PTPRN2: variants seen among roughly 807,000 people sequenced by gnomAD.
PTPRN2 encodes the protein protein tyrosine phosphatase receptor type N2, also known as receptor-type tyrosine-protein phosphatase N2.
PTPRN2 carries 74 observed loss-of-function variants against 118.8 expected under a neutral mutation model. The observed-to-expected ratio is 0.62, with a 90% CI of 0.52 to 0.76. The LOEUF (loss-of-function observed/expected upper bound fraction) is 0.76, where lower values mean the gene tolerates loss of function less well. Ranked by LOEUF, PTPRN2 falls within the 30% of genes least tolerant of loss-of-function variation. The pLI, the probability that PTPRN2 is intolerant of heterozygous loss-of-function variation, is 0.00. For synonymous variants in PTPRN2, 641 were observed against 608.0 expected, an observed-to-expected ratio of 1.05 and a Z score of -0.80; for missense variants, 1,481 against 1,394.4, an observed-to-expected ratio of 1.06 and a Z score of -0.99.
At chr7:157,661,450 T>A (rs939445855) in intron 13 of PTPRN2, among the ~76,000 whole-genome samples, 1 of 152,112 alleles carries the variant, frequency 6.6e-6, no homozygotes, top group Non-Finnish European at 1.5e-5. Flanking sequence ...GCGCTCTCCC[T>A]GCGGGCTTCC....
chr7:157,833,172 C>A, intron 12 of PTPRN2, among the ~76,000 whole-genome samples: 1 of 124,076 alleles, frequency 8.1e-6, no homozygotes, highest in East Asian at 2.5e-4. Context: ...AGGAAGTATG[C>A]GACGTGGCCA....
At chr7:157,747,024 G>C (rs1371970241) in intron 12 of PTPRN2, among the ~76,000 whole-genome samples, 4 of 142,482 alleles carry the variant, frequency 2.8e-5, no homozygotes, top group Admixed American at 7.3e-5. Flanking sequence ...GTGGGCTGTT[G>C]AGGTGATTCT....
intron 2 of PTPRN2, among the ~76,000 whole-genome samples, chr7:158,439,060 A>T (rs1816782449): frequency 6.6e-6 from 1 of 152,182 alleles, no homozygotes; most frequent in Admixed American, 6.5e-5. Flanking sequence ...CTGGTCAAGG[A>T]CTCAAAAGAA....
At chr7:158,128,130 T>G (rs544438698) in intron 9 of PTPRN2, among the ~76,000 whole-genome samples, 10 of 152,302 alleles carry the variant, frequency 6.6e-5, no homozygotes, top group African/African-American at 2.2e-4. Context: ...TCCCCCTTTT[T>G]TAAAGAATGC....
intron 7 of PTPRN2, among the ~76,000 whole-genome samples, chr7:158,137,964 A>G (rs1818989437): frequency 1.3e-5 from 2 of 152,172 alleles, no homozygotes; most frequent in African/African-American, 4.8e-5. Flanking sequence ...TCACTCTGCT[A>G]TTCAAATATT....
At chr7:158,498,052 C>T (rs767549328) in intron 1 of PTPRN2, among the ~76,000 whole-genome samples, 1 of 152,280 alleles carries the variant, frequency 6.6e-6, no homozygotes, top group African/African-American at 2.4e-5. Flanking sequence ...TCCATCACAA[C>T]GGTGATGTGT....
At position 157,808,853 on chromosome 7, in the gene PTPRN2, A is replaced by G. The variant is rs1268086362; in HGVS notation, c.1788+89820T>C. ...AAACACTCTTTTGGATTAAGCATCTATAAGATTCAGTTGTTGCCTTGGACG... is the reference window on the plus strand; with the variant it reads ...AAACACTCTTTTGGATTAAGCATCTGTAAGATTCAGTTGTTGCCTTGGACG... On this transcript the variant is annotated intron_variant, in intron 12 of 22. Coordinates refer to ENST00000389418, the MANE Select transcript of PTPRN2 (RefSeq NM_002847.5). The surrounding 1 kb of genome is among the most constrained non-coding windows in gnomAD (Gnocchi z 5.0). 6.6e-6 allele frequency among the ~76,000 whole-genome samples: 1 copy of G among 152,178 alleles called. No homozygotes were observed. Among genetic ancestry groups the G allele is most frequent in the East Asian group, 1.9e-4 (1 of 5,180 alleles).
chr7:157,934,668 T>A (rs936174781), intron 11 of PTPRN2, among the ~76,000 whole-genome samples: 1 of 152,250 alleles, frequency 6.6e-6, no homozygotes, highest in Non-Finnish European at 1.5e-5. Flanking sequence ...GAGCAAAGCA[T>A]CCGGCCTTGG....
intron 18 of PTPRN2, 28 bp from the exon 19 acceptor site, chr7:157,576,807 CAG>C: frequency 2.6e-6 from 4 of 1,566,092 alleles, no homozygotes; most frequent in Non-Finnish European, 3.5e-6. Context: ...AGGGAGGGGA[CAG>C]AGACAGGTGT....
At chr7:158,212,240 AG>A in intron 3 of PTPRN2, among the ~76,000 whole-genome samples, 1 of 151,686 alleles carries the variant, frequency 6.6e-6, no homozygotes, top group Non-Finnish European at 1.5e-5. Flanking sequence ...GGAAATTGGC[AG>A]GGGGCGGGGG....
In PTPRN2 at chr7:157,879,207, G is replaced by A. The variant is rs556297101; in HGVS notation, c.1788+19466C>T. Among the ~76,000 whole-genome samples, 602 of 136,836 alleles carry A rather than the reference G, an allele frequency of 4.4e-3. 5 individuals carry two copies. Among genetic ancestry groups the A allele is most frequent in the African/African-American group, 0.016 (571 of 35,590 alleles). The allele number at this position is 136,836 out of a possible 152,430, so 89.8% of individuals were successfully genotyped here. On this transcript the variant is annotated intron_variant, in intron 12 of 22. Transcript: ENST00000389418. Reference sequence around the variant, plus strand: ...ACTCACCGAGGAGCTCTCGGATTCCGTGGGGCTGGAAGGGTCAGTGTGATA... The same window carrying A: ...ACTCACCGAGGAGCTCTCGGATTCCATGGGGCTGGAAGGGTCAGTGTGATA...
At chr7:158,533,224 C>T (rs1825383585) in intron 1 of PTPRN2, among the ~76,000 whole-genome samples, 1 of 152,200 alleles carries the variant, frequency 6.6e-6, no homozygotes. Context: ...ATTACAGCAA[C>T]ATCATCTTCC....
chr7:158,263,714 A>C (rs1393878029), intron 3 of PTPRN2, among the ~76,000 whole-genome samples: 1 of 152,188 alleles, frequency 6.6e-6, no homozygotes, highest in African/African-American at 2.4e-5. Context: ...GGCGCCCAGC[A>C]CCTCAACGGC....
At chr7:158,179,157 A>G (rs1164061437) in intron 5 of PTPRN2, among the ~76,000 whole-genome samples, 1 of 152,150 alleles carries the variant, frequency 6.6e-6, no homozygotes, top group African/African-American at 2.4e-5. Flanking sequence ...CCACAGTCAT[A>G]CCAACATCTA....
chr7:158,021,491 G>C (rs1183699039), intron 11 of PTPRN2, among the ~76,000 whole-genome samples: 1 of 152,152 alleles, frequency 6.6e-6, no homozygotes. Flanking sequence ...CACACACACA[G>C]AGGATATCAT....
intron 11 of PTPRN2, among the ~76,000 whole-genome samples, chr7:157,932,273 C>G (rs1012782941): frequency 6.6e-6 from 1 of 152,218 alleles, no homozygotes; most frequent in African/African-American, 2.4e-5. Context: ...ATCAACAGAA[C>G]TTACACGATT....
intron 12 of PTPRN2, among the ~76,000 whole-genome samples, chr7:157,781,216 G>A (rs895684510): frequency 6.6e-6 from 1 of 152,186 alleles, no homozygotes; most frequent in Non-Finnish European, 1.5e-5. Context: ...CAGGTCCACG[G>A]CTGCTTTTGA....
intron 2 of PTPRN2, among the ~76,000 whole-genome samples, chr7:158,430,054 C>T (rs999941588): frequency 6.6e-6 from 1 of 152,118 alleles, no homozygotes; most frequent in African/African-American, 2.4e-5. Context: ...ATTACAGGTG[C>T]ACGCTACCAC....
intron 11 of PTPRN2, among the ~76,000 whole-genome samples, chr7:158,058,430 C>A (rs879054748): frequency 9.9e-5 from 11 of 111,630 alleles, no homozygotes; most frequent in South Asian, 3.4e-4. Context: ...CTCCATCTGC[C>A]CACGGTGAGA....
Sources: gnomAD v4.1 joint callset for allele counts (sites outside exome capture counted in the v4.1 genomes callset) on GRCh38, gnomAD v4.1.1 for gene constraint, Gnocchi (gnomAD v3.1) non-coding constraint, MANE v1.5 for transcripts, NCBI Gene and HGNC (gene_info 2026-07-23, HGNC 2026-07-21) for gene names.